LAMA3: variants seen among roughly 807,000 people sequenced by gnomAD.
LAMA3 encodes the protein laminin subunit alpha 3.
LAMA3 carries 281 observed loss-of-function variants against 402.0 expected under a neutral mutation model. The ratio of observed to expected loss-of-function variants is 0.70; its 90% confidence interval spans 0.63 to 0.77. The LOEUF (loss-of-function observed/expected upper bound fraction) is 0.77, where lower values mean the gene tolerates loss of function less well. LAMA3 is among the 30% of genes least tolerant of loss of function. The probability of loss-of-function intolerance (pLI) is 0.00; values close to 1 mark genes in which losing one functional copy is unlikely to be tolerated. For missense variants in LAMA3, 3,840 were observed against 4,215.5 expected, an observed-to-expected ratio of 0.91 and a Z score of 2.47; for synonymous variants, 1,431 against 1,558.4, an observed-to-expected ratio of 0.92 and a Z score of 1.93.
At chr18:23,704,665 GTGTT>G (rs921487782) in intron 1 of LAMA3, among the ~76,000 whole-genome samples, 17 of 152,232 alleles carry the variant, frequency 1.1e-4, no homozygotes, top group South Asian at 2.1e-4. Context: ...CCAGCTCTTA[GTGTT>G]TGTTTGTTTG....
At chr18:23,936,252 A>T (rs938450993) in intron 67 of LAMA3, among the ~76,000 whole-genome samples, 27 of 150,660 alleles carry the variant, frequency 1.8e-4, no homozygotes, top group Admixed American at 3.3e-4. Flanking sequence ...TATATTTTTT[A>T]TTATACTTTA....
At chr18:23,813,741 C>T (rs2063123034) in intron 14 of LAMA3, among the ~76,000 whole-genome samples, 1 of 151,932 alleles carries the variant, frequency 6.6e-6, no homozygotes, top group African/African-American at 2.4e-5. Flanking sequence ...GGGGTTTCAC[C>T]ATGTTGGCTA....
At chr18:23,712,374 C>A (rs921336147) in intron 1 of LAMA3, among the ~76,000 whole-genome samples, 2 of 119,320 alleles carry the variant, frequency 1.7e-5, no homozygotes, top group African/African-American at 2.8e-5. Flanking sequence ...AGTAAAACTC[C>A]GTCTCAAAAA....
intron 62 of LAMA3, among the ~76,000 whole-genome samples, chr18:23,926,329 A>T (rs1396687983): frequency 1.3e-5 from 2 of 152,208 alleles, no homozygotes; most frequent in Admixed American, 1.3e-4. Flanking sequence ...CCAATAATCT[A>T]TGGAGAGAGG....
intron 2 of LAMA3, among the ~76,000 whole-genome samples, chr18:23,745,892 A>G (rs2061644018): frequency 6.6e-6 from 1 of 152,226 alleles, no homozygotes; most frequent in Admixed American, 6.5e-5. Context: ...TAGTCTATCA[A>G]ACTCACATAA....
intron 2 of LAMA3, among the ~76,000 whole-genome samples, chr18:23,741,569 G>A (rs751311947): frequency 6.6e-6 from 1 of 152,078 alleles, no homozygotes; most frequent in Non-Finnish European, 1.5e-5. Flanking sequence ...TAATTGCTTG[G>A]TTCTATATTT....
chr18:23,945,326 G>A (rs1381059660), intron 69 of LAMA3, among the ~76,000 whole-genome samples: 2 of 152,138 alleles, frequency 1.3e-5, no homozygotes, highest in African/African-American at 2.4e-5. Flanking sequence ...GTAGAACCAC[G>A]CGGCCTTGCT....
intron 41 of LAMA3, among the ~76,000 whole-genome samples, chr18:23,887,817 C>G (rs1375643907): frequency 6.6e-6 from 1 of 152,208 alleles, no homozygotes; most frequent in Non-Finnish European, 1.5e-5. Flanking sequence ...CAGGGCCACA[C>G]AAGACAAGCC....
chr18:23,736,855 C>G (rs572449754), intron 2 of LAMA3, among the ~76,000 whole-genome samples: 7 of 152,106 alleles, frequency 4.6e-5, no homozygotes, highest in Admixed American at 2.0e-4. Flanking sequence ...TGTGTGGACG[C>G]TGGGGATGAG....
At chr18:23,741,478 G>T (rs149157471) in intron 2 of LAMA3, among the ~76,000 whole-genome samples, 1 of 151,144 alleles carries the variant, frequency 6.6e-6, no homozygotes, top group Middle Eastern at 3.2e-3. Flanking sequence ...AATCGCCATC[G>T]TTTCTTCTCA....
intron 30 of LAMA3, among the ~76,000 whole-genome samples, chr18:23,845,379 AT>A (rs1181299875): frequency 6.6e-6 from 1 of 152,214 alleles, no homozygotes; most frequent in African/African-American, 2.4e-5. Context: ...CCAAGCTGAG[AT>A]TCAGGGGCTG....
chr18:23,927,947 T>C (rs1313389175), intron 62 of LAMA3, among the ~76,000 whole-genome samples, 176 bp from the exon 63 acceptor site: 1 of 152,164 alleles, frequency 6.6e-6, no homozygotes, highest in African/African-American at 2.4e-5. Context: ...AGAAAGGAAG[T>C]CAGTTCTCCC....
intron 1 of LAMA3, among the ~76,000 whole-genome samples, chr18:23,710,451 G>A (rs2060970771): frequency 6.6e-6 from 1 of 152,176 alleles, no homozygotes; most frequent in Admixed American, 6.5e-5. Context: ...TTCTTCAACC[G>A]CAAGTCTACT....
At chr18:23,921,320 G>T in intron 61 of LAMA3, 132 bp from the exon 62 acceptor site, 1 of 1,018,246 alleles carries the variant, frequency 9.8e-7, no homozygotes, top group Non-Finnish European at 1.4e-6. Flanking sequence ...AAATGCTACT[G>T]CTCAGAGCCT....
rs753575556 is a variant in LAMA3, at chr18:23,836,978, C to G, written c.2985-3C>G. On this transcript the variant is annotated splice_polypyrimidine_tract_variant and splice_region_variant and intron_variant, in intron 24 of 74. Transcript: ENST00000313654. The stretch of plus-strand genomic sequence containing the variant: ...GCTAAGAAAACTCTGTTTTCTCTTG[C>G]AGTGTTCTCTGCCGGAGTGCTGTGA... The G allele has an allele frequency of 1.9e-6, 3 of 1,610,674 alleles. No individual in the cohort carries two copies. Among genetic ancestry groups the G allele is most frequent in the South Asian group, 2.2e-5 (2 of 90,978 alleles).
intron 12 of LAMA3, among the ~76,000 whole-genome samples, chr18:23,791,695 C>T (rs1225941415): frequency 1.4e-5 from 2 of 142,778 alleles, no homozygotes; most frequent in African/African-American, 5.3e-5. Context: ...GATCGCACCA[C>T]TGGACTCCAG....
chr18:23,790,472 G>A (rs2062628603), intron 12 of LAMA3, among the ~76,000 whole-genome samples: 1 of 152,172 alleles, frequency 6.6e-6, no homozygotes, highest in African/African-American at 2.4e-5. Flanking sequence ...TGTGAACATG[G>A]CCAAAAAGTT....
chr18:23,854,465 C>A (rs1325044838), intron 32 of LAMA3, among the ~76,000 whole-genome samples: 1 of 151,752 alleles, frequency 6.6e-6, no homozygotes, highest in African/African-American at 2.4e-5. Flanking sequence ...CATGGTGAAA[C>A]CCCATCTGTA....
At chr18:23,828,283 T>C (rs2063424120) in intron 23 of LAMA3, among the ~76,000 whole-genome samples, 1 of 152,242 alleles carries the variant, frequency 6.6e-6, no homozygotes, top group African/African-American at 2.4e-5. Context: ...AAACTACATT[T>C]CTAACATTTT....
Sources: gnomAD v4.1 joint callset for allele counts (sites outside exome capture counted in the v4.1 genomes callset) on GRCh38, gnomAD v4.1.1 for gene constraint, MANE v1.5 for transcripts, NCBI Gene and HGNC (gene_info 2026-07-23, HGNC 2026-07-21) for gene names.